Variants in PRICKLE1 observed in about 807,000 individuals in gnomAD.
The protein encoded by PRICKLE1 is prickle-like protein 1.
A neutral mutation model predicts 70.2 loss-of-function variants in PRICKLE1; 14 were observed. The ratio of observed to expected loss-of-function variants is 0.20; its 90% CI spans 0.13 to 0.31. PRICKLE1 has a LOEUF of 0.31. PRICKLE1 is among the 10% of genes least tolerant of loss of function. The pLI is 1.00. For synonymous variants in PRICKLE1, 357 were observed against 379.9 expected, an observed-to-expected ratio of 0.94 and a Z score of 0.70; for missense variants, 821 against 1,026.2, an observed-to-expected ratio of 0.80 and a Z score of 2.73.
At position 42,540,582 on chromosome 12, in the gene PRICKLE1, G is replaced by A. The variant is rs541011617; in HGVS notation, c.-49+48883C>T. Among the ~76,000 whole-genome samples, 3 of 152,186 alleles carry A rather than the reference G, an allele frequency of 2.0e-5. No homozygotes were observed. In the South Asian group the frequency reaches 6.2e-4, roughly 32 times the overall value. On this transcript the variant is annotated intron_variant, in intron 1 of 7. Transcript: ENST00000345127. ...ATACATATATATATATAGTTTTTGAGATGGAGTTTTGCTCTTGTTGCCCAG... is the reference window on the plus strand; with the variant it reads ...ATACATATATATATATAGTTTTTGAAATGGAGTTTTGCTCTTGTTGCCCAG...
At chr12:42,557,865 A>G (rs966434965) in intron 1 of PRICKLE1, among the ~76,000 whole-genome samples, 3 of 152,218 alleles carry the variant, frequency 2.0e-5, no homozygotes, top group Non-Finnish European at 4.4e-5. Context: ...CAATCTTTTC[A>G]ATCAAAAAGT....
intron 1 of PRICKLE1, among the ~76,000 whole-genome samples, chr12:42,565,512 G>T (rs115912979): frequency 6.6e-6 from 1 of 152,142 alleles, no homozygotes; most frequent in Non-Finnish European, 1.5e-5. Context: ...AAATAAAGCA[G>T]CATGAAATCA....
intron 7 of PRICKLE1, among the ~76,000 whole-genome samples, chr12:42,463,378 T>C (rs1433811449): frequency 6.6e-6 from 1 of 151,832 alleles, no homozygotes; most frequent in African/African-American, 2.4e-5. Flanking sequence ...TATTCAGCTG[T>C]TTTTGAGCTA....
intron 1 of PRICKLE1, among the ~76,000 whole-genome samples, chr12:42,564,332 C>T (rs945365005): frequency 2.7e-5 from 4 of 150,632 alleles, no homozygotes; most frequent in Non-Finnish European, 5.9e-5. Context: ...CTTGGCCGGG[C>T]GTGGTGGCTC....
chr12:42,510,296 A>G (rs1038189736), intron 1 of PRICKLE1, among the ~76,000 whole-genome samples: 1 of 151,988 alleles, frequency 6.6e-6, no homozygotes, highest in Non-Finnish European at 1.5e-5. Flanking sequence ...GGGTTTCACC[A>G]TGTTAGCCAG....
chr12:42,524,558 C>T (rs1221201883), intron 1 of PRICKLE1, among the ~76,000 whole-genome samples: 1 of 151,984 alleles, frequency 6.6e-6, no homozygotes, highest in Non-Finnish European at 1.5e-5. Context: ...ATTACAGGTG[C>T]CTGCCACCGC....
intron 1 of PRICKLE1, among the ~76,000 whole-genome samples, chr12:42,561,905 CTT>C (rs60450733): frequency 5.0e-3 from 434 of 87,222 alleles, no homozygotes; most frequent in African/African-American, 0.013. Flanking sequence ...TTTTTCTTTT[CTT>C]TTTTTTTTTT....
intron 1 of PRICKLE1, among the ~76,000 whole-genome samples, chr12:42,566,062 A>C (rs1197008438): frequency 2.6e-5 from 4 of 152,182 alleles, no homozygotes; most frequent in Admixed American, 2.6e-4. Context: ...TTTGTGAAGG[A>C]GTGCAGAGCG....
chr12:42,470,015 G>T (rs565370593), intron 3 of PRICKLE1: 10 of 530,340 alleles, frequency 1.9e-5, no homozygotes, highest in Non-Finnish European at 3.4e-5. Context: ...GATCATTGGT[G>T]GGTGGCTGCA....
chr12:42,576,339 C>T (rs1263305216), intron 1 of PRICKLE1, among the ~76,000 whole-genome samples: 1 of 152,166 alleles, frequency 6.6e-6, no homozygotes, highest in Non-Finnish European at 1.5e-5. Flanking sequence ...GGAGAGAGAA[C>T]AACAGAAAAC....
At chr12:42,562,033 C>G (rs983534480) in intron 1 of PRICKLE1, among the ~76,000 whole-genome samples, 8 of 151,454 alleles carry the variant, frequency 5.3e-5, no homozygotes, top group African/African-American at 1.9e-4. Context: ...TGTCTCAGCT[C>G]CCCGAGTAGC....
chr12:42,526,333 CAGAATGGAGGTAT>C, intron 1 of PRICKLE1, among the ~76,000 whole-genome samples: 1 of 151,538 alleles, frequency 6.6e-6, no homozygotes, highest in Non-Finnish European at 1.5e-5. Context: ...CAATAAGTTA[CAGAATGGAGGTAT>C]GAATGAGGTT....
intron 1 of PRICKLE1, among the ~76,000 whole-genome samples, chr12:42,558,490 T>C (rs534646975): frequency 6.6e-5 from 10 of 152,242 alleles, no homozygotes; most frequent in Non-Finnish European, 1.5e-4. Flanking sequence ...GATGTGAAAC[T>C]GCCTTAGGAA....
intron 1 of PRICKLE1, among the ~76,000 whole-genome samples, chr12:42,582,270 T>G: frequency 6.6e-6 from 1 of 152,134 alleles, no homozygotes; most frequent in Non-Finnish European, 1.5e-5. Context: ...CAGAACTAGG[T>G]GAGGGGGGCA....
At chr12:42,556,637 TTAAG>T (rs967529370) in intron 1 of PRICKLE1, among the ~76,000 whole-genome samples, 7 of 152,196 alleles carry the variant, frequency 4.6e-5, no homozygotes, top group African/African-American at 1.7e-4. Flanking sequence ...TGAATCTTTA[TTAAG>T]TGACTGAACA....
At chr12:42,574,880 T>C (rs1329529382) in intron 1 of PRICKLE1, among the ~76,000 whole-genome samples, 31 of 151,948 alleles carry the variant, frequency 2.0e-4, no homozygotes, top group Admixed American at 2.0e-3. Context: ...TATGAGACTA[T>C]TGTCTGCTAT....
intron 1 of PRICKLE1, among the ~76,000 whole-genome samples, chr12:42,569,381 GA>G (rs1209277753): frequency 2.0e-5 from 3 of 152,186 alleles, no homozygotes; most frequent in Non-Finnish European, 4.4e-5. Flanking sequence ...GAACAGACAT[GA>G]CTGCTTTTAA....
intron 1 of PRICKLE1, among the ~76,000 whole-genome samples, chr12:42,549,939 T>C (rs892242762): frequency 2.6e-5 from 4 of 152,226 alleles, no homozygotes; most frequent in Non-Finnish European, 4.4e-5. Flanking sequence ...CTCTTTACTA[T>C]ACTAACAACT....
At chr12:42,519,193 C>CTTTTTTTT (rs11342397) in intron 1 of PRICKLE1, among the ~76,000 whole-genome samples, 1,826 of 99,074 alleles carry the variant, frequency 0.018, 61 homozygotes, top group East Asian at 0.028. Context: ...CCTTTTTTTC[C>CTTTTTTTT]TTTTTTTTTT....
Sources: gnomAD v4.1 joint callset for allele counts (sites outside exome capture counted in the v4.1 genomes callset) on GRCh38, gnomAD v4.1.1 for gene constraint, MANE v1.5 for transcripts, NCBI Gene and HGNC (gene_info 2026-07-23, HGNC 2026-07-21) for gene names.